Variants in LPP observed in about 807,000 individuals in gnomAD.
LPP encodes the protein lipoma-preferred partner.
LPP carries 38 observed loss-of-function variants against 60.4 expected under a neutral mutation model. The ratio of observed to expected loss-of-function variants is 0.63; its 90% confidence interval spans 0.49 to 0.83. LPP has a LOEUF of 0.83. LPP is among the 40% of genes least tolerant of loss of function. The pLI, the probability that LPP is intolerant of heterozygous loss-of-function variation, is 0.00. For missense variants in LPP, 902 were observed against 783.6 expected, an observed-to-expected ratio of 1.15 and a Z score of -1.80; for synonymous variants, 328 against 290.8, an observed-to-expected ratio of 1.13 and a Z score of -1.30.
At chr3:188,857,100 TTCACAAAATAGTATA>T (rs763888657) in intron 9 of LPP, among the ~76,000 whole-genome samples, 9 of 152,166 alleles carry the variant, frequency 5.9e-5, no homozygotes, top group Non-Finnish European at 1.2e-4. Flanking sequence ...CCTGGACTTT[TTCACAAAATAGTATA>T]TCACATTGGG....
chr3:188,529,698 T>TATTCATTG (rs1433350454), intron 6 of LPP, among the ~76,000 whole-genome samples: 1 of 152,248 alleles, frequency 6.6e-6, no homozygotes, highest in Non-Finnish European at 1.5e-5. Flanking sequence ...TAATTCCACA[T>TATTCATTG]ATTCATTGAT....
At chr3:188,240,481 A>T (rs1723936703) in intron 2 of LPP, among the ~76,000 whole-genome samples, 1 of 152,048 alleles carries the variant, frequency 6.6e-6, no homozygotes, top group Admixed American at 6.6e-5. Flanking sequence ...TCTGAGTTGG[A>T]AGGAAGTCTT....
chr3:188,771,563 A>AAGAAAG (rs1553842316), intron 9 of LPP, among the ~76,000 whole-genome samples: 1 of 95,174 alleles, frequency 1.1e-5, no homozygotes, highest in Non-Finnish European at 1.9e-5. Context: ...AAAAAAAAAA[A>AAGAAAG]AAAGAAAGAA....
chr3:188,433,053 A>G (rs927060455), intron 4 of LPP, among the ~76,000 whole-genome samples: 28 of 152,164 alleles, frequency 1.8e-4, no homozygotes, highest in African/African-American at 6.8e-4. Context: ...CCAAGAAGCT[A>G]TTTAGTGGTT....
intron 9 of LPP, among the ~76,000 whole-genome samples, chr3:188,764,984 A>G (rs1733553263): frequency 6.6e-6 from 1 of 152,290 alleles, no homozygotes; most frequent in Admixed American, 6.5e-5. Flanking sequence ...CCAACACACT[A>G]GCAGCCTTTT....
intron 2 of LPP, among the ~76,000 whole-genome samples, chr3:188,303,879 C>T (rs1264510369): frequency 6.6e-6 from 1 of 152,046 alleles, no homozygotes; most frequent in Admixed American, 6.6e-5. Flanking sequence ...ATACTGGAAC[C>T]ATTTCTAATG....
intron 2 of LPP, among the ~76,000 whole-genome samples, chr3:188,312,658 A>G (rs187885325): frequency 3.9e-4 from 59 of 152,018 alleles, no homozygotes; most frequent in Admixed American, 1.2e-3. Flanking sequence ...TTATTTTGAT[A>G]TTTTTCTGGA....
intron 3 of LPP, among the ~76,000 whole-genome samples, chr3:188,402,667 T>C (rs2148825400): frequency 6.6e-6 from 1 of 152,366 alleles, no homozygotes; most frequent in South Asian, 2.1e-4. Flanking sequence ...TCATTCATTC[T>C]CCCATTTCTA....
chr3:188,720,724 T>C (rs938667277), intron 8 of LPP, among the ~76,000 whole-genome samples: 20 of 152,198 alleles, frequency 1.3e-4, no homozygotes, highest in African/African-American at 4.8e-4. Flanking sequence ...CTTCCAGATT[T>C]CCTATAGTAC....
chr3:188,167,367 A>G (rs1720278326), intron 1 of LPP, among the ~76,000 whole-genome samples: 1 of 152,186 alleles, frequency 6.6e-6, no homozygotes, highest in African/African-American at 2.4e-5. Flanking sequence ...GCATGGTGGC[A>G]TGTGCCTTTA....
At chr3:188,537,708 A>C (rs773566810) in intron 6 of LPP, among the ~76,000 whole-genome samples, 60 of 152,332 alleles carry the variant, frequency 3.9e-4, no homozygotes, top group Admixed American at 2.4e-3. Flanking sequence ...AGCAATCCCT[A>C]TCAGAATCTA....
intron 1 of LPP, among the ~76,000 whole-genome samples, chr3:188,176,834 G>C (rs914981139): frequency 1.2e-4 from 18 of 152,210 alleles, no homozygotes. Flanking sequence ...GTGGCTTCTT[G>C]AGCAGTATGA....
chr3:188,760,440 G>GTGTGCGCA (rs1553836338), intron 9 of LPP, among the ~76,000 whole-genome samples, 158 bp downstream of exon 9: 1 of 145,242 alleles, frequency 6.9e-6, no homozygotes, highest in Non-Finnish European at 1.5e-5. Flanking sequence ...GTGTGTGCGT[G>GTGTGCGCA]CGCGCATGTA....
At chr3:188,179,818 C>T (rs1724380911) in intron 1 of LPP, 2 of 302,524 alleles carry the variant, frequency 6.6e-6, no homozygotes, top group Non-Finnish European at 1.3e-5. Flanking sequence ...CATTCAGCCT[C>T]ATCCTGCCTT....
rs1305787832 is a variant in LPP, at chr3:188,402,198, G to GTTATTAAATATCCT, written c.-9-3914_-9-3913insTTATTAAATATCCT. On this transcript the variant is annotated intron_variant, in intron 3 of 11. Transcript: ENST00000617246. ...TAGTTATTAAATATCCTAGACAGTAGAGGAGGTTGGAGAAAACTCCCCTAT... is the reference window on the plus strand; with the variant it reads ...TAGTTATTAAATATCCTAGACAGTAGTTATTAAATATCCTAGGAGGTTGGAGAAAACTCCCCTAT... Among the ~76,000 whole-genome samples the GTTATTAAATATCCT allele has an allele frequency of 1.8e-4, 27 of 151,988 alleles. 1 individual carries two copies. Among genetic ancestry groups the GTTATTAAATATCCT allele is most frequent in the Non-Finnish European group, 2.8e-4 (19 of 68,008 alleles).
At chr3:188,247,202 A>C in intron 2 of LPP, 5 of 984,094 alleles carry the variant, frequency 5.1e-6, no homozygotes, top group Non-Finnish European at 6.0e-6. Flanking sequence ...CCTGAGATCA[A>C]GGGTTCTGTG....
At chr3:188,642,164 G>A (rs965632821) in intron 7 of LPP, among the ~76,000 whole-genome samples, 1 of 152,034 alleles carries the variant, frequency 6.6e-6, no homozygotes, top group African/African-American at 2.4e-5. Flanking sequence ...AAACCCTGAG[G>A]TTTATTTCAG....
At chr3:188,677,791 G>A (rs1400609117) in intron 7 of LPP, among the ~76,000 whole-genome samples, 1 of 152,046 alleles carries the variant, frequency 6.6e-6, no homozygotes, top group African/African-American at 2.4e-5. Flanking sequence ...AGCCCGGACT[G>A]TCCATTGTCA....
chr3:188,385,877 G>T (rs759048441), intron 3 of LPP, among the ~76,000 whole-genome samples: 4 of 152,086 alleles, frequency 2.6e-5, no homozygotes, highest in Non-Finnish European at 5.9e-5. Context: ...CCTGAGTGCG[G>T]TCTCTCATGA....
Sources: gnomAD v4.1 joint callset for allele counts (sites outside exome capture counted in the v4.1 genomes callset) on GRCh38, gnomAD v4.1.1 for gene constraint, MANE v1.5 for transcripts, NCBI Gene and HGNC (gene_info 2026-07-23, HGNC 2026-07-21) for gene names.